GPC6: variants seen among roughly 807,000 people sequenced by gnomAD.
GPC6 encodes glypican 6, also known as glypican-6.
In GPC6, 14 loss-of-function variants were observed where a neutral mutation model predicts 55.2. That is an observed-to-expected ratio of 0.25 (90% CI 0.17 to 0.40). The LOEUF is 0.40. GPC6 is among the 10% of genes least tolerant of loss of function. GPC6 has a pLI of 1.00. For synonymous variants in GPC6, 278 were observed against 259.6 expected, an observed-to-expected ratio of 1.07 and a Z score of -0.68; for missense variants, 641 against 708.5, an observed-to-expected ratio of 0.90 and a Z score of 1.08.
At chr13:94,079,343 C>T (rs9589896) in intron 4 of GPC6, among the ~76,000 whole-genome samples, 27,516 of 151,936 alleles carry the variant, frequency 0.18, 2,613 homozygotes, top group South Asian at 0.25. Flanking sequence ...CTTTCCATTT[C>T]AGAAGTAAAC....
intron 4 of GPC6, among the ~76,000 whole-genome samples, chr13:94,254,900 G>T (rs1362483281): frequency 6.6e-6 from 1 of 152,040 alleles, no homozygotes; most frequent in Non-Finnish European, 1.5e-5. Context: ...CATCACAAAA[G>T]CTCCTTATGC....
intron 4 of GPC6, among the ~76,000 whole-genome samples, chr13:94,218,857 G>T (rs1203698757): frequency 1.3e-5 from 2 of 152,094 alleles, no homozygotes; most frequent in Non-Finnish European, 2.9e-5. Flanking sequence ...AGTTGGTCTG[G>T]GGTAGAATTC....
chr13:93,573,339 C>A (rs1158938885), intron 2 of GPC6, among the ~76,000 whole-genome samples: 2 of 151,970 alleles, frequency 1.3e-5, no homozygotes, highest in Non-Finnish European at 2.9e-5. Context: ...TGTGTAAAGT[C>A]ACATGAGACA....
intron 3 of GPC6, among the ~76,000 whole-genome samples, chr13:94,004,621 T>TGAA (rs1172724576): frequency 6.6e-6 from 1 of 152,220 alleles, no homozygotes; most frequent in Non-Finnish European, 1.5e-5. Flanking sequence ...GATTTATCAA[T>TGAA]GAAGAAGATG....
At chr13:93,662,220 T>C (rs1381144897) in intron 2 of GPC6, among the ~76,000 whole-genome samples, 1 of 152,232 alleles carries the variant, frequency 6.6e-6, no homozygotes, top group African/African-American at 2.4e-5. Flanking sequence ...ACATAAGGCA[T>C]TTGATGTTAT....
chr13:94,256,633 A>G (rs535292707), intron 4 of GPC6, among the ~76,000 whole-genome samples: 2 of 152,294 alleles, frequency 1.3e-5, no homozygotes, highest in African/African-American at 4.8e-5. Context: ...ATAAACTCAT[A>G]TCAGCCGCAC....
intron 4 of GPC6, among the ~76,000 whole-genome samples, chr13:94,190,203 A>C (rs1306258722): frequency 1.3e-5 from 2 of 149,424 alleles, no homozygotes; most frequent in African/African-American, 4.9e-5. Context: ...GGTGCCTGTA[A>C]TCCCAGCTAC....
intron 7 of GPC6, among the ~76,000 whole-genome samples, chr13:94,394,094 G>A (rs989348133): frequency 1.3e-5 from 2 of 152,136 alleles, no homozygotes; most frequent in African/African-American, 4.8e-5. Flanking sequence ...TACCCTAATC[G>A]GTTCTAATGT....
At position 93,623,749 on chromosome 13, in the gene GPC6, C is replaced by T. The variant is rs994826650; in HGVS notation, c.319+78328C>T. Among the ~76,000 whole-genome samples, 14 of 152,118 alleles carry T rather than the reference C, an allele frequency of 9.2e-5. 1 individual carries two copies. In the South Asian group the frequency reaches 2.5e-3, roughly 27 times the overall value. On this transcript the variant is annotated intron_variant, in intron 2 of 8. Coordinates refer to ENST00000377047, the MANE Select transcript of GPC6 (RefSeq NM_005708.5). ...CTGGGATTACAGGCTTGGGCCACCG[C>T]GCCTGGCCTCTTTGGTCTTTTTGAT...
intron 1 of GPC6, among the ~76,000 whole-genome samples, chr13:93,509,023 G>A (rs1880841023): frequency 6.6e-6 from 1 of 152,180 alleles, no homozygotes; most frequent in Non-Finnish European, 1.5e-5. Flanking sequence ...AAGATGGAGG[G>A]TGATTGATGG....
intron 2 of GPC6, among the ~76,000 whole-genome samples, chr13:93,768,776 T>C (rs1230652428): frequency 1.3e-5 from 2 of 152,166 alleles, no homozygotes; most frequent in Non-Finnish European, 2.9e-5. Flanking sequence ...TTTATATCCA[T>C]TCTTAATTAA....
chr13:93,338,715 T>C (rs1328962315), intron 1 of GPC6, among the ~76,000 whole-genome samples: 1 of 152,232 alleles, frequency 6.6e-6, no homozygotes, highest in Admixed American at 6.5e-5. Flanking sequence ...TGGCTGTCCA[T>C]GAATGATTAC....
intron 3 of GPC6, among the ~76,000 whole-genome samples, chr13:93,886,701 G>A (rs894752066): frequency 6.7e-5 from 10 of 148,318 alleles, no homozygotes; most frequent in African/African-American, 1.2e-4. Context: ...ATACAATGAC[G>A]TTTGTAGATA....
intron 3 of GPC6, among the ~76,000 whole-genome samples, chr13:93,857,125 C>T (rs1594529455): frequency 6.6e-6 from 1 of 151,476 alleles, no homozygotes; most frequent in Non-Finnish European, 1.5e-5. Context: ...TCCCATTGGT[C>T]ACTATTAGAA....
At chr13:93,741,558 G>A (rs988303716) in intron 2 of GPC6, among the ~76,000 whole-genome samples, 2 of 152,044 alleles carry the variant, frequency 1.3e-5, no homozygotes, top group South Asian at 2.1e-4. Context: ...ACAAACCTGG[G>A]ATTCAGTGCT....
rs1243637582 is a variant in GPC6, at chr13:94,306,292, T to C, written c.1152+169T>C. The C allele has an allele frequency of 2.3e-5, 17 of 741,936 alleles. No homozygotes were observed. The East Asian group carries it at 2.7e-4, about 12-fold the overall frequency. 46.0% of individuals were successfully genotyped at this position (741,936 alleles called of 1,614,324 possible). ...AAAGTAATGGGATCTTTCTTTTGGG[T>C]CATGTATTGGATTATTTAAGAAATC... is the stretch of plus-strand genomic sequence containing the variant. On this transcript the variant is annotated intron_variant, in intron 6 of 8. Transcript: ENST00000377047.
intron 6 of GPC6, among the ~76,000 whole-genome samples, chr13:94,324,475 C>T (rs943895434): frequency 6.6e-6 from 1 of 152,106 alleles, no homozygotes; most frequent in African/African-American, 2.4e-5. Context: ...AAGTTACCAA[C>T]TGTAATTTAA....
chr13:93,334,380 C>T lies in GPC6; in HGVS notation c.160+106764C>T, dbSNP rs143679630. On this transcript the variant is annotated intron_variant, in intron 1 of 8. Coordinates refer to ENST00000377047, the MANE Select transcript of GPC6 (RefSeq NM_005708.5). The stretch of plus-strand genomic sequence containing the variant: ...TTGACTAATCAAAGTCCAAGAAAAC[C>T]CCTGCTAAGATTTTGTTTAGGATTA... Among the ~76,000 whole-genome samples, 71 of 152,114 alleles carry T rather than the reference C, an allele frequency of 4.7e-4. 1 individual carries two copies. The East Asian group carries it at 0.013, about 27-fold the overall frequency.
intron 4 of GPC6, among the ~76,000 whole-genome samples, chr13:94,234,902 G>A (rs993605084): frequency 1.3e-5 from 2 of 152,114 alleles, no homozygotes; most frequent in Non-Finnish European, 2.9e-5. Flanking sequence ...TATGAGTTAT[G>A]TAAAGTAGTC....
Sources: gnomAD v4.1 joint callset for allele counts (sites outside exome capture counted in the v4.1 genomes callset) on GRCh38, gnomAD v4.1.1 for gene constraint, MANE v1.5 for transcripts, NCBI Gene and HGNC (gene_info 2026-07-23, HGNC 2026-07-21) for gene names.